The following NAV2 variants were observed in gnomAD, a reference collection of about 807,000 sequenced individuals.
NAV2 encodes helicase, APC down-regulated 1.
Under a neutral mutation model 223.2 loss-of-function variants are expected in NAV2, and 54 were observed. The observed-to-expected ratio is 0.24, with a 90% confidence interval of 0.19 to 0.30. NAV2 has a LOEUF of 0.30. NAV2 is among the 10% of genes least tolerant of loss of function. The pLI is 1.00. For missense variants in NAV2, 2,806 were observed against 3,147.5 expected, an observed-to-expected ratio of 0.89 and a Z score of 2.60; for synonymous variants, 1,279 against 1,239.3, an observed-to-expected ratio of 1.03 and a Z score of -0.67.
intron 1 of NAV2, among the ~76,000 whole-genome samples, chr11:19,602,853 C>A (rs1427124284): frequency 6.6e-6 from 1 of 152,086 alleles, no homozygotes; most frequent in Non-Finnish European, 1.5e-5. Context: ...TAACTTTATA[C>A]CTGCAAAGAT....
intron 11 of NAV2, among the ~76,000 whole-genome samples, chr11:20,028,336 C>G (rs2055319716): frequency 6.6e-6 from 1 of 152,106 alleles, no homozygotes; most frequent in Non-Finnish European, 1.5e-5. Flanking sequence ...ATGGGCCCTT[C>G]CATGTTTGAA....
intron 1 of NAV2, among the ~76,000 whole-genome samples, chr11:19,497,498 C>T (rs994444926): frequency 6.6e-6 from 1 of 152,120 alleles, no homozygotes; most frequent in African/African-American, 2.4e-5. Context: ...TTAGAGTGGT[C>T]TAGTGTGTTT....
chr11:19,412,302 C>A (rs928274700), intron 1 of NAV2, among the ~76,000 whole-genome samples: 1 of 152,128 alleles, frequency 6.6e-6, no homozygotes, highest in Admixed American at 6.5e-5. Context: ...TAAATAAAGC[C>A]CCGGGAAGTT....
intron 1 of NAV2, among the ~76,000 whole-genome samples, chr11:19,523,771 C>T (rs866388243): frequency 1.3e-5 from 2 of 152,188 alleles, no homozygotes; most frequent in African/African-American, 4.8e-5. Flanking sequence ...CCACCTTCTT[C>T]TCCAGCATCC....
intron 26 of NAV2, among the ~76,000 whole-genome samples, chr11:20,084,720 A>G (rs1186788521): frequency 6.6e-6 from 1 of 152,172 alleles, no homozygotes. Context: ...AAGAGTAAAG[A>G]ACCAGTTGCC....
intron 1 of NAV2, among the ~76,000 whole-genome samples, chr11:19,437,826 A>G (rs182152490): frequency 1.3e-5 from 2 of 152,302 alleles, no homozygotes; most frequent in Admixed American, 1.3e-4. Flanking sequence ...TCATATAACT[A>G]TTGTGCAAGC....
chr11:19,448,843 G>A (rs1001293049), intron 1 of NAV2, among the ~76,000 whole-genome samples: 2 of 152,150 alleles, frequency 1.3e-5, no homozygotes, highest in Non-Finnish European at 2.9e-5. Context: ...AGACTCTTTG[G>A]CAATGAAGTT....
intron 1 of NAV2, among the ~76,000 whole-genome samples, chr11:19,594,149 T>G (rs4757822): frequency 0.97 from 146,823 of 152,130 alleles, 71,069 homozygotes; most frequent in East Asian, 1. Context: ...ACAGTAGCTC[T>G]AGGTACCTTG....
At chr11:19,934,921 CT>C in intron 7 of NAV2, among the ~76,000 whole-genome samples, 1 of 152,290 alleles carries the variant, frequency 6.6e-6, no homozygotes, top group South Asian at 2.1e-4. Flanking sequence ...CCCCTAGCCC[CT>C]GTCTCTTTGA....
Position 19,939,702 on chromosome 11 carries a change from G to A in NAV2, c.2075G>A (p.Ser692Asn), listed in dbSNP as rs748391101. The change falls in exon 8 of 38, where the codon AGC (serine) becomes AAC (asparagine). Residue 692 changes from serine to asparagine, a missense_variant. Ser to Asn is a conservative substitution (Grantham distance 46, BLOSUM62 1). Transcript: ENST00000349880. ...DTEGNVTAES[S>N]STGVSVEPSH... is the part of the protein sequence containing the mutation. Reference sequence around the variant, plus strand: ...GAAGGGAATGTTACTGCCGAGTCAAGCTCAACAGGTGTGAGCGTGGAGCCC... The same window carrying A: ...GAAGGGAATGTTACTGCCGAGTCAAACTCAACAGGTGTGAGCGTGGAGCCC... The A allele has an allele frequency of 1.6e-5, 26 of 1,614,182 alleles. No homozygotes were observed. Among genetic ancestry groups the A allele is most frequent in the Non-Finnish European group, 2.1e-5 (25 of 1,180,012 alleles).
intron 1 of NAV2, among the ~76,000 whole-genome samples, chr11:19,361,729 G>C (rs1853961039): frequency 6.6e-6 from 1 of 152,188 alleles, no homozygotes; most frequent in Non-Finnish European, 1.5e-5. Context: ...ACAGCAAAGA[G>C]AGAAACGGCA....
intron 6 of NAV2, among the ~76,000 whole-genome samples, chr11:19,907,395 C>T (rs2042954397): frequency 1.3e-5 from 2 of 152,208 alleles, no homozygotes; most frequent in African/African-American, 4.8e-5. Flanking sequence ...GAATGACCTT[C>T]ACTGAAAGGA....
At chr11:19,809,894 C>T (rs1306817130) in intron 1 of NAV2, among the ~76,000 whole-genome samples, 1 of 152,204 alleles carries the variant, frequency 6.6e-6, no homozygotes, top group African/African-American at 2.4e-5. Context: ...TTCATCCCAT[C>T]CTATCAGGGT....
At chr11:19,880,382 C>G (rs548404404) in intron 5 of NAV2, among the ~76,000 whole-genome samples, 11 of 152,154 alleles carry the variant, frequency 7.2e-5, no homozygotes, top group Admixed American at 2.0e-4. Context: ...GCTATTACTC[C>G]GGCCTATTAC....
At chr11:19,457,445 C>CG (rs1590238026) in intron 1 of NAV2, among the ~76,000 whole-genome samples, 1 of 152,022 alleles carries the variant, frequency 6.6e-6, no homozygotes, top group Non-Finnish European at 1.5e-5. Context: ...CTAGTGAGGA[C>CG]GAGAAAGAGA....
intron 1 of NAV2, among the ~76,000 whole-genome samples, chr11:19,398,449 T>C (rs1849552960): frequency 6.6e-6 from 1 of 152,154 alleles, no homozygotes; most frequent in South Asian, 2.1e-4. Flanking sequence ...CAGATCTGCA[T>C]GACATCACCC....
chr11:19,612,195 C>T (rs1171196757), intron 1 of NAV2, among the ~76,000 whole-genome samples: 3 of 152,236 alleles, frequency 2.0e-5, no homozygotes, highest in East Asian at 3.9e-4. Flanking sequence ...AGGCTGCACA[C>T]AGCACAGGAA....
chr11:19,684,252 T>C (rs1487322438), intron 1 of NAV2, among the ~76,000 whole-genome samples: 1 of 152,252 alleles, frequency 6.6e-6, no homozygotes, highest in African/African-American at 2.4e-5. Context: ...CCAACTGTTA[T>C]ATCCTAGGTC....
At chr11:20,108,220 GA>G (rs1021632257) in intron 36 of NAV2, among the ~76,000 whole-genome samples, 1 of 152,122 alleles carries the variant, frequency 6.6e-6, no homozygotes. Context: ...ATTTTTAAGA[GA>G]AAAAATGAGG....
Sources: gnomAD v4.1 joint callset for allele counts (sites outside exome capture counted in the v4.1 genomes callset) on GRCh38, gnomAD v4.1.1 for gene constraint, MANE v1.5 for transcripts, NCBI Gene and HGNC (gene_info 2026-07-23, HGNC 2026-07-21) for gene names.